TMEM65: variants seen among roughly 807,000 people sequenced by gnomAD.
TMEM65 encodes transmembrane protein 65.
In TMEM65, 22 loss-of-function variants were observed where a neutral mutation model predicts 25.4. The observed-to-expected ratio is 0.86, with a 90% confidence interval of 0.62 to 1.23. The LOEUF (loss-of-function observed/expected upper bound fraction) is 1.23. Ranked by LOEUF, TMEM65 falls within the 50% of genes most tolerant of loss-of-function variation. The pLI, the probability that TMEM65 is intolerant of heterozygous loss-of-function variation, is 0.00. For synonymous variants in TMEM65, 132 were observed against 126.2 expected (o/e 1.05, Z -0.31); for missense variants, 262 against 308.2 (o/e 0.85, Z 1.12).
chr8:124,329,834 C>T (rs1814410287), intron 2 of TMEM65, among the ~76,000 whole-genome samples: 1 of 151,696 alleles, frequency 6.6e-6, no homozygotes, highest in Non-Finnish European at 1.5e-5. Flanking sequence ...TAATAGTATA[C>T]AGTATTATGA....
intron 1 of TMEM65, among the ~76,000 whole-genome samples, chr8:124,338,422 T>C (rs552887261): frequency 8.2e-6 from 1 of 122,022 alleles, no homozygotes; most frequent in South Asian, 2.4e-4. Context: ...GTAAGGGTGG[T>C]TTTTTTTTAT....
At chr8:124,314,684 G>A (rs73332135) in intron 6 of TMEM65, among the ~76,000 whole-genome samples, 6,447 of 151,552 alleles carry the variant, frequency 0.043, 474 homozygotes, top group African/African-American at 0.14. Flanking sequence ...AGGCTGGAAC[G>A]CAGTGGTATG....
chr8:124,345,290 T>C (rs780434241), intron 1 of TMEM65, among the ~76,000 whole-genome samples: 4 of 152,194 alleles, frequency 2.6e-5, no homozygotes, highest in Admixed American at 6.5e-5. Context: ...TGCCTGCCCA[T>C]GTGTTGCTGG....
At chr8:124,321,648 C>T (rs982430992) in intron 5 of TMEM65, among the ~76,000 whole-genome samples, 8 of 152,086 alleles carry the variant, frequency 5.3e-5, no homozygotes, top group South Asian at 2.1e-4. Context: ...TCCTCAAATT[C>T]GAGCCATATC....
rs897116351 is a variant in TMEM65 at position 124,365,365 on chromosome 8, G to A, written c.304+6489C>T. 3.3e-5 allele frequency among the ~76,000 whole-genome samples: 5 copies of A among 152,252 alleles called. No individual in the cohort carries two copies. The South Asian group carries it at 1.0e-3, about 32-fold the overall frequency. On this transcript the variant is annotated intron_variant, in intron 1 of 6. Transcript: ENST00000297632. ...AAAGTTTATTTAATAGAGAGGTGAA[G>A]AGTCTGATAAGGAATCACCTTTCTG...
At chr8:124,361,997 T>C (rs917438898) in intron 1 of TMEM65, among the ~76,000 whole-genome samples, 2 of 151,746 alleles carry the variant, frequency 1.3e-5, no homozygotes, top group Non-Finnish European at 2.9e-5. Context: ...TTCAAGCACT[T>C]CTCCTGCCTC....
chr8:124,365,292 A>G (rs1199389415), intron 1 of TMEM65, among the ~76,000 whole-genome samples: 4 of 152,250 alleles, frequency 2.6e-5, no homozygotes, highest in African/African-American at 4.8e-5. Context: ...AATTTAGTCA[A>G]GAATTTAGAA....
chr8:124,315,688 A>T (rs1383125440), intron 6 of TMEM65, among the ~76,000 whole-genome samples: 1 of 35,264 alleles, frequency 2.8e-5, no homozygotes, highest in Non-Finnish European at 5.1e-5. Context: ...CTTGCATAAA[A>T]ATTTTTCAAC....
intron 1 of TMEM65, among the ~76,000 whole-genome samples, chr8:124,361,379 G>C (rs1814857947): frequency 6.6e-6 from 1 of 150,378 alleles, no homozygotes; most frequent in African/African-American, 2.5e-5. Flanking sequence ...AGGTTGCGGT[G>C]AGCCGAGACT....
Position 124,322,737 on chromosome 8 carries a change from T to C in TMEM65, c.472+584A>G, listed in dbSNP as rs527590382. Among the ~76,000 whole-genome samples, 7 of 151,924 alleles carry C rather than the reference T, an allele frequency of 4.6e-5. No individual in the cohort carries two copies. The South Asian group carries it at 1.2e-3, about 27-fold the overall frequency. ...AATAGGCTGGGCGTGGTGGCTCACA[T>C]CTGTAATCCTAGCACTTTGGGAGGC... On this transcript the variant is annotated intron_variant, in intron 4 of 6. Coordinates refer to ENST00000297632, the MANE Select transcript of TMEM65 (RefSeq NM_194291.3).
intron 1 of TMEM65, among the ~76,000 whole-genome samples, chr8:124,354,954 C>T (rs1010997012): frequency 1.3e-5 from 2 of 151,960 alleles, no homozygotes; most frequent in African/African-American, 4.8e-5. Flanking sequence ...AAATTTAAGA[C>T]TGTTTCAAAA....
At chr8:124,326,017 T>C (rs1389605171) in intron 3 of TMEM65, among the ~76,000 whole-genome samples, 1 of 152,008 alleles carries the variant, frequency 6.6e-6, no homozygotes, top group Non-Finnish European at 1.5e-5. Context: ...CATTCAACAA[T>C]CCTAAGGTCA....
chr8:124,355,701 A>T (rs1316129042), intron 1 of TMEM65, among the ~76,000 whole-genome samples: 2 of 152,226 alleles, frequency 1.3e-5, no homozygotes, highest in Non-Finnish European at 2.9e-5. Context: ...TTGATGGCTT[A>T]TTTCTAAACC....
At chr8:124,333,470 C>CGTGTGT (rs10660640) in intron 1 of TMEM65, among the ~76,000 whole-genome samples, 4,067 of 149,190 alleles carry the variant, frequency 0.027, 65 homozygotes, top group East Asian at 0.059. Context: ...TGTGTGTGTG[C>CGTGTGT]GTGTGTGTGT....
At chr8:124,351,631 C>T (rs1814709612) in intron 1 of TMEM65, among the ~76,000 whole-genome samples, 1 of 152,108 alleles carries the variant, frequency 6.6e-6, no homozygotes, top group Admixed American at 6.6e-5. Flanking sequence ...ACATTTTATC[C>T]TTTACATTTT....
At position 124,371,896 on chromosome 8, in the gene TMEM65, GC is replaced by G; in HGVS notation, c.261del (p.Leu88SerfsTer27). Reference protein sequence around the residue: ...YSLHSTERSCLLKELHRFESI... With the variant: ...YSLHSTERSCXLKELHRFESI... ...GACTCGAAGCGGTGCAGCTCTTTGA[GC>G]AGGCAGCTCCTCTCCGTGGAGTGCA... On this transcript the variant is annotated frameshift_variant, in exon 1 of 7. Transcript: ENST00000297632. LOFTEE classifies it high-confidence loss of function. The G allele has an allele frequency of 6.4e-7, 1 of 1,551,038 alleles. No individual in the cohort carries two copies. Among genetic ancestry groups the G allele is most frequent in the African/African-American group, 1.4e-5 (1 of 70,728 alleles).
intron 1 of TMEM65, among the ~76,000 whole-genome samples, chr8:124,360,431 A>C (rs1814845205): frequency 2.3e-5 from 3 of 128,170 alleles, no homozygotes; most frequent in East Asian, 4.0e-4. Flanking sequence ...CTCTGTCACA[A>C]AAAAAAAAAA....
At position 124,330,079 on chromosome 8, in the gene TMEM65, T is replaced by C. The variant is rs181731755; in HGVS notation, c.349+669A>G. On this transcript the variant is annotated intron_variant, in intron 2 of 6. Coordinates refer to ENST00000297632, the MANE Select transcript of TMEM65 (RefSeq NM_194291.3). Reference sequence around the variant, plus strand: ...AATTTGTGGCTTCTTCAATTTACTCTCAGAAACACTATTCTATAACTTGCC... The same window carrying C: ...AATTTGTGGCTTCTTCAATTTACTCCCAGAAACACTATTCTATAACTTGCC... Among the ~76,000 whole-genome samples the C allele has an allele frequency of 9.3e-3, 1,418 of 152,078 alleles. 31 individuals are homozygous for C. Among genetic ancestry groups the C allele is most frequent in the Middle Eastern group, 0.017 (5 of 294 alleles).
At chr8:124,357,856 G>A (rs1814805715) in intron 1 of TMEM65, among the ~76,000 whole-genome samples, 1 of 125,062 alleles carries the variant, frequency 8.0e-6, no homozygotes, top group Non-Finnish European at 1.6e-5. Context: ...TTGAGATGGA[G>A]TTTCACCCTT....
Sources: allele counts gnomAD v4.1 joint callset (sites outside exome capture counted in the v4.1 genomes callset), GRCh38; gene constraint gnomAD v4.1.1; transcripts MANE v1.5; gene names NCBI Gene and HGNC (gene_info 2026-07-23, HGNC 2026-07-21).